The following SKA2 variants were observed in gnomAD, a reference collection of about 807,000 sequenced individuals.
SKA2 encodes spindle and kinetochore-associated protein 2.
A neutral mutation model predicts 16.9 loss-of-function variants in SKA2; 13 were observed. The ratio of observed to expected loss-of-function variants is 0.77; its 90% CI spans 0.50 to 1.22. The LOEUF (loss-of-function observed/expected upper bound fraction) is 1.22. Among genes scored for constraint, SKA2 ranks in the 50% most tolerant of loss-of-function variants. The pLI, the probability that SKA2 is intolerant of heterozygous loss-of-function variation, is 0.00. For synonymous variants in SKA2, 47 were observed against 48.5 expected (o/e 0.97, Z 0.13); for missense variants, 107 against 139.7 (o/e 0.77, Z 1.18).
chr17:59,131,842 C>T (rs866975074), intron 1 of SKA2, among the ~76,000 whole-genome samples: 5 of 152,104 alleles, frequency 3.3e-5, no homozygotes, highest in African/African-American at 1.2e-4. Flanking sequence ...AACTATGTGC[C>T]ACTAAAATTA....
intron 1 of SKA2, among the ~76,000 whole-genome samples, chr17:59,136,601 T>C (rs1328675344): frequency 6.6e-6 from 1 of 151,496 alleles, no homozygotes; most frequent in Non-Finnish European, 1.5e-5. Flanking sequence ...CAGGCTGGAG[T>C]GCAGTGGCAC....
intron 3 of SKA2, among the ~76,000 whole-genome samples, chr17:59,114,642 G>A (rs1403872023): frequency 2.0e-5 from 3 of 152,092 alleles, no homozygotes; most frequent in Non-Finnish European, 2.9e-5. Context: ...AGGCAGGAAA[G>A]GATAACAGAT....
intron 1 of SKA2, among the ~76,000 whole-genome samples, chr17:59,137,265 G>A (rs746094115): frequency 3.3e-5 from 5 of 152,014 alleles, no homozygotes; most frequent in African/African-American, 9.7e-5. Flanking sequence ...CAATCTTCCC[G>A]CCTTAGCCTC....
At position 59,155,179 on chromosome 17, in the gene SKA2, T is replaced by C; in HGVS notation, c.-16A>G. 1 of 1,613,906 alleles carries C rather than the reference T, an allele frequency of 6.2e-7. No homozygotes were observed. The highest frequency in any genetic ancestry group is 8.5e-7 in the Non-Finnish European group (1 of 1,179,828). On this transcript the variant is annotated 5_prime_UTR_variant, in exon 1 of 4. The change abolishes an upstream ATG in the 5' untranslated region. Coordinates refer to ENST00000330137, the MANE Select transcript of SKA2 (RefSeq NM_182620.4). ...CCGCCTCCATGTTGAATAGTTGACA[T>C]TCCGCAGACCGCGGCGGCGCTTAAG...
At chr17:59,121,053 G>A (rs911677649) in intron 2 of SKA2, among the ~76,000 whole-genome samples, 2 of 151,400 alleles carry the variant, frequency 1.3e-5, no homozygotes, top group East Asian at 2.0e-4. Context: ...TCAAGAGGCT[G>A]AGGCAGGAGA....
At chr17:59,121,502 A>G (rs935842381) in intron 2 of SKA2, among the ~76,000 whole-genome samples, 9 of 150,706 alleles carry the variant, frequency 6.0e-5, no homozygotes, top group African/African-American at 2.2e-4. Context: ...TAAAAATACA[A>G]AAATTAGCCG....
chr17:59,143,730 C>G (rs907299241), intron 1 of SKA2, among the ~76,000 whole-genome samples: 2 of 152,124 alleles, frequency 1.3e-5, no homozygotes, highest in Non-Finnish European at 1.5e-5. Context: ...GCCACGGCCT[C>G]CCAAATGCTG....
At chr17:59,150,491 C>T (rs755395158) in intron 1 of SKA2, among the ~76,000 whole-genome samples, 6 of 152,152 alleles carry the variant, frequency 3.9e-5, no homozygotes, top group Non-Finnish European at 7.4e-5. Context: ...AATCCCAGCA[C>T]TCTGGGAGGC....
chr17:59,149,955 G>A (rs934809917), intron 1 of SKA2, among the ~76,000 whole-genome samples: 9 of 152,186 alleles, frequency 5.9e-5, no homozygotes, highest in Admixed American at 1.3e-4. Flanking sequence ...TACTGGGCTC[G>A]AGTGATCTTC....
intron 2 of SKA2, among the ~76,000 whole-genome samples, chr17:59,124,990 T>TTTGG (rs2046361257): frequency 6.6e-6 from 1 of 150,770 alleles, no homozygotes; most frequent in Non-Finnish European, 1.5e-5. Context: ...TTTTTTTTTT[T>TTTGG]GAGATGGAGT....
At chr17:59,117,397 G>C (rs1363620606) in intron 3 of SKA2, among the ~76,000 whole-genome samples, 3 of 151,586 alleles carry the variant, frequency 2.0e-5, no homozygotes, top group Non-Finnish European at 4.4e-5. Flanking sequence ...TTTTATTTTA[G>C]TTTATTTTAA....
At chr17:59,136,464 A>G (rs2046445865) in intron 1 of SKA2, among the ~76,000 whole-genome samples, 1 of 152,138 alleles carries the variant, frequency 6.6e-6, no homozygotes, top group African/African-American at 2.4e-5. Flanking sequence ...GTGCCTGGCC[A>G]GTACTGGCTT....
chr17:59,138,787 G>A (rs1444538857), intron 1 of SKA2, among the ~76,000 whole-genome samples: 1 of 152,034 alleles, frequency 6.6e-6, no homozygotes, highest in African/African-American at 2.4e-5. Context: ...AGTGGCACAA[G>A]GTATTCCATA....
chr17:59,110,393 T>C lies in SKA2; in HGVS notation c.*1884A>G, dbSNP rs2046255772. On this transcript the variant is annotated 3_prime_UTR_variant, in exon 4 of 4. Coordinates refer to ENST00000330137, the MANE Select transcript of SKA2 (RefSeq NM_182620.4). ...GTTTTTTCAATCCCAACAATCATCATCACATCCCAGAGCCATCTCATGACA... is the reference window on the plus strand; with the variant it reads ...GTTTTTTCAATCCCAACAATCATCACCACATCCCAGAGCCATCTCATGACA... The C allele has an allele frequency of 6.6e-6, 1 of 152,148 alleles. No individual in the cohort carries two copies. The highest frequency in any genetic ancestry group is 1.5e-5 in the Non-Finnish European group (1 of 68,038). 9.4% of individuals were successfully genotyped at this position (152,148 alleles called of 1,614,324 possible).
rs770832991 is a variant in SKA2, at chr17:59,119,360, T to C, written c.256A>G (p.Met86Val). The change falls in exon 3 of 4, where the codon ATG becomes GTG. Residue 86 changes from methionine to valine, a missense_variant. Coordinates refer to ENST00000330137, the MANE Select transcript of SKA2 (RefSeq NM_182620.4). ...TTCTGTAGTTTTTGTATCATATTCA[T>C]AGTCTTTTTCACAGTAGCACAAATG... ...SRICATVKKTMNMIQKLQKQT... is the reference protein window; with the variant it reads ...SRICATVKKTVNMIQKLQKQT... 16 of 1,613,744 alleles carry C rather than the reference T, an allele frequency of 9.9e-6. No individual in the cohort carries two copies. In the East Asian group the frequency reaches 3.1e-4, roughly 31 times the overall value.
rs970257583 is a variant in SKA2, at chr17:59,111,243, G to C, written c.*1034C>G. The C allele has an allele frequency of 6.6e-6, 1 of 152,082 alleles. No homozygotes were observed. The highest frequency in any genetic ancestry group is 1.5e-5 in the Non-Finnish European group (1 of 68,010). 9.4% of individuals were successfully genotyped at this position (152,082 alleles called of 1,614,324 possible). A position where few individuals can be genotyped will look rare whatever the true frequency, so the allele number is the denominator to read the frequency against. ...ACCTGCTTTCCCTCTCCCCCACTTAGCATAGTTTCAGCATTTCCCAGAACA... is the reference window on the plus strand; with the variant it reads ...ACCTGCTTTCCCTCTCCCCCACTTACCATAGTTTCAGCATTTCCCAGAACA... On this transcript the variant is annotated 3_prime_UTR_variant, in exon 4 of 4. Coordinates refer to ENST00000330137, the MANE Select transcript of SKA2 (RefSeq NM_182620.4).
Position 59,131,317 on chromosome 17 carries a change from A to G in SKA2, c.84T>C (p.Tyr28=). The change falls in exon 2 of 4, where the codon TAT becomes TAC. Residue 28 remains tyrosine, a synonymous_variant. Transcript: ENST00000330137. ...DLDYIQYRLE[Y]EIKTNHPDSA... ...AATCAGGATGATTAGTCTTGATTTC[A>G]TATTCCAGCCTGTATTGAATGTAAT... The G allele has an allele frequency of 6.3e-7, 1 of 1,583,382 alleles. No individual in the cohort carries two copies. Among genetic ancestry groups the G allele is most frequent in the Non-Finnish European group, 8.6e-7 (1 of 1,162,686 alleles).
intron 2 of SKA2, among the ~76,000 whole-genome samples, chr17:59,119,703 C>G (rs1434860524): frequency 6.6e-6 from 1 of 151,904 alleles, no homozygotes; most frequent in African/African-American, 2.4e-5. Flanking sequence ...AATTTATAGC[C>G]TAGGTACAGA....
chr17:59,130,739 G>C (rs1459363911), intron 2 of SKA2, among the ~76,000 whole-genome samples: 2 of 152,076 alleles, frequency 1.3e-5, no homozygotes, highest in African/African-American at 4.8e-5. Context: ...ACGATGCTTG[G>C]AGATTATTTA....
Sources: gnomAD v4.1 joint callset for allele counts (sites outside exome capture counted in the v4.1 genomes callset) on GRCh38, gnomAD v4.1.1 for gene constraint, MANE v1.5 for transcripts, NCBI Gene and HGNC (gene_info 2026-07-23, HGNC 2026-07-21) for gene names.